Variants in ASAP2 observed in about 807,000 individuals in gnomAD.
ASAP2 encodes the protein arf-GAP with SH3 domain, ANK repeat and PH domain-containing protein 2.
ASAP2 carries 45 observed loss-of-function variants against 131.4 expected under a neutral mutation model. That is an observed-to-expected ratio of 0.34 (90% confidence interval 0.27 to 0.44). The LOEUF (loss-of-function observed/expected upper bound fraction) is 0.44, where lower values mean the gene tolerates loss of function less well. ASAP2 is among the 20% of genes least tolerant of loss of function. The pLI is 1.00. For missense variants in ASAP2, 1,011 were observed against 1,297.0 expected (o/e 0.78, Z 3.39); for synonymous variants, 510 against 503.0 (o/e 1.01, Z -0.19).
chr2:9,373,123 G>C (rs1349068821), intron 16 of ASAP2, among the ~76,000 whole-genome samples: 1 of 152,162 alleles, frequency 6.6e-6, no homozygotes, highest in Non-Finnish European at 1.5e-5. Flanking sequence ...TGTGGACGGG[G>C]AGCATGTGCC....
At chr2:9,227,560 G>C (rs1349088222) in intron 1 of ASAP2, among the ~76,000 whole-genome samples, 1 of 152,118 alleles carries the variant, frequency 6.6e-6, no homozygotes, top group Non-Finnish European at 1.5e-5. Context: ...ACATTTTACA[G>C]CTGAGAAACA....
At chr2:9,218,763 C>T (rs1267457608) in intron 1 of ASAP2, among the ~76,000 whole-genome samples, 1 of 152,234 alleles carries the variant, frequency 6.6e-6, no homozygotes, top group Non-Finnish European at 1.5e-5. Flanking sequence ...CTGTCTGCAA[C>T]ACTTCCCCTG....
At chr2:9,298,792 C>T (rs1668311033) in intron 3 of ASAP2, among the ~76,000 whole-genome samples, 1 of 152,204 alleles carries the variant, frequency 6.6e-6, no homozygotes, top group African/African-American at 2.4e-5. Flanking sequence ...GGTGGATAAG[C>T]CCTTTCCATG....
chr2:9,338,651 C>T (rs909182799), intron 9 of ASAP2, among the ~76,000 whole-genome samples: 4 of 152,170 alleles, frequency 2.6e-5, no homozygotes, highest in Non-Finnish European at 5.9e-5. Flanking sequence ...TCCACTGTTA[C>T]CCTAAGCCAG....
intron 27 of ASAP2, 98 bp from the exon 28 acceptor site, chr2:9,403,155 A>G (rs944948046): frequency 2.4e-5 from 23 of 977,292 alleles, no homozygotes; most frequent in Non-Finnish European, 3.5e-5. Context: ...TTCTGAACCA[A>G]TCTTGCTTTT....
intron 20 of ASAP2, among the ~76,000 whole-genome samples, chr2:9,381,906 A>G (rs542460956): frequency 6.6e-6 from 1 of 152,210 alleles, no homozygotes; most frequent in South Asian, 2.1e-4. Context: ...ACTATTAATA[A>G]TAAATGCTAT....
intron 11 of ASAP2, 94 bp from the exon 12 acceptor site, chr2:9,350,714 G>A: frequency 9.8e-7 from 1 of 1,022,840 alleles, no homozygotes; most frequent in Middle Eastern, 2.2e-4. Context: ...TGAAGAGCTT[G>A]CTGTTGCTGT....
At chr2:9,292,391 G>T (rs562284373) in intron 2 of ASAP2, among the ~76,000 whole-genome samples, 1 of 152,076 alleles carries the variant, frequency 6.6e-6, no homozygotes, top group Non-Finnish European at 1.5e-5. Context: ...GGTGGTGTGC[G>T]CCTGTAGTCT....
At chr2:9,342,441 C>A (rs1671652730) in intron 9 of ASAP2, among the ~76,000 whole-genome samples, 1 of 152,166 alleles carries the variant, frequency 6.6e-6, no homozygotes, top group Non-Finnish European at 1.5e-5. Context: ...TGTGCTGGGG[C>A]AGCTGGATAG....
Position 9,207,074 on chromosome 2 carries a change from G to C in ASAP2, c.-31G>C. On this transcript the variant is annotated 5_prime_UTR_variant, in exon 1 of 28. Coordinates refer to ENST00000281419, the MANE Select transcript of ASAP2 (RefSeq NM_003887.3). The surrounding 1 kb of genome is among the most constrained non-coding windows in gnomAD (Gnocchi z 4.1). ...GCAGTTGAGGCGGCGGCGCCCCTGCGGCTGTGCGCCAGCGCCCTCGCGCCG... is the reference window on the plus strand; with the variant it reads ...GCAGTTGAGGCGGCGGCGCCCCTGCCGCTGTGCGCCAGCGCCCTCGCGCCG... The C allele has an allele frequency of 6.6e-7, 1 of 1,518,704 alleles. No homozygotes were observed. The highest frequency in any genetic ancestry group is 8.8e-7 in the Non-Finnish European group (1 of 1,130,662). The allele number at this position is 1,518,704 out of a possible 1,614,324, so 94.1% of individuals were successfully genotyped here.
intron 3 of ASAP2, among the ~76,000 whole-genome samples, chr2:9,317,564 TCTCA>T (rs1213677856): frequency 3.8e-5 from 2 of 53,058 alleles, no homozygotes; most frequent in African/African-American, 7.6e-5. Context: ...ACAATCACAC[TCTCA>T]CACACCCACA....
At chr2:9,254,255 ACACG>A (rs1664970211) in intron 1 of ASAP2, among the ~76,000 whole-genome samples, 1 of 58,436 alleles carries the variant, frequency 1.7e-5, no homozygotes, top group African/African-American at 1.1e-4. Flanking sequence ...ATATATATAT[ACACG>A]TGTGTGTGTA....
chr2:9,365,004 C>T lies in ASAP2; in HGVS notation c.1462-3421C>T, dbSNP rs1435762966. On this transcript the variant is annotated intron_variant, in intron 15 of 27. Transcript: ENST00000281419. ...AGCCTTTTTTTTTAAAGCCAAGATT[C>T]TGAACATTTTTTAAACCACAAAGTC... Among the ~76,000 whole-genome samples the T allele has an allele frequency of 2.6e-5, 4 of 152,144 alleles. No homozygotes were observed. In the East Asian group the frequency reaches 7.7e-4, roughly 29 times the overall value.
intron 1 of ASAP2, among the ~76,000 whole-genome samples, chr2:9,276,619 C>T (rs1027680670): frequency 6.6e-6 from 1 of 151,970 alleles, no homozygotes; most frequent in African/African-American, 2.4e-5. Flanking sequence ...CTCACTGCAA[C>T]CTCCACCTCC....
rs150329957 is a variant in ASAP2 at position 9,292,295 on chromosome 2, G to A, written c.200-5005G>A. ...GTGGCTTTGGGAGGCTGAGGAGGGTGGATCATGAGATCAGGAGTTCAAGAC... is the reference window on the plus strand; with the variant it reads ...GTGGCTTTGGGAGGCTGAGGAGGGTAGATCATGAGATCAGGAGTTCAAGAC... On this transcript the variant is annotated intron_variant, in intron 2 of 27. Coordinates refer to ENST00000281419, the MANE Select transcript of ASAP2 (RefSeq NM_003887.3). 6.0e-3 allele frequency among the ~76,000 whole-genome samples: 908 copies of A among 152,112 alleles called. 11 individuals carry two copies. Among genetic ancestry groups the A allele is most frequent in the African/African-American group, 0.021 (875 of 41,488 alleles).
intron 3 of ASAP2, among the ~76,000 whole-genome samples, chr2:9,306,687 G>A (rs534158059): frequency 1.3e-5 from 2 of 152,146 alleles, no homozygotes; most frequent in African/African-American, 2.4e-5. Context: ...CTCCTGGCTC[G>A]CTGAGGGAAT....
intron 1 of ASAP2, among the ~76,000 whole-genome samples, chr2:9,214,815 C>T (rs1661890415): frequency 6.6e-6 from 1 of 151,262 alleles, no homozygotes; most frequent in Admixed American, 6.6e-5. Context: ...AGGACTAGCT[C>T]CTTCCTTAGA....
rs1661153707 is a variant in ASAP2, at chr2:9,207,011, C to CAGCGGCGGT, written c.-93_-85dup. On this transcript the variant is annotated 5_prime_UTR_variant, in exon 1 of 28. Coordinates refer to ENST00000281419, the MANE Select transcript of ASAP2 (RefSeq NM_003887.3). This position sits in a 1 kb window ranked among gnomAD's most constrained non-coding sequence, Gnocchi z 4.1. ...TGTCCGCGGGCCGGAGCGGCGGCGG[C>CAGCGGCGGT]AGCGGCGGTGTCCGAGCGGCGGTCG... 27 of 1,085,874 alleles carry CAGCGGCGGT rather than the reference C, an allele frequency of 2.5e-5. No individual in the cohort carries two copies. Among genetic ancestry groups the CAGCGGCGGT allele is most frequent in the Non-Finnish European group, 3.0e-5 (27 of 890,778 alleles). The allele number at this position is 1,085,874 out of a possible 1,614,324, so 67.3% of individuals were successfully genotyped here. A position where few individuals can be genotyped will look rare whatever the true frequency, so the allele number is the denominator to read the frequency against.
rs190411762 is a variant in ASAP2 at position 9,395,669 on chromosome 2, G to A, written c.2684+2022G>A. 6.7e-3 allele frequency among the ~76,000 whole-genome samples: 860 copies of A among 129,180 alleles called. 1 individual carries two copies. The highest frequency in any genetic ancestry group is 9.5e-3 in the Non-Finnish European group (609 of 64,036). The allele number at this position is 129,180 out of a possible 152,430, so 84.7% of individuals were successfully genotyped here. ...GTCGCCCAGGCTGGAGTGCGGTGGC[G>A]CGATCTTGGCTCACTGCAAGTTCCG... On this transcript the variant is annotated intron_variant, in intron 24 of 27. Coordinates refer to ENST00000281419, the MANE Select transcript of ASAP2 (RefSeq NM_003887.3).
Sources: allele counts gnomAD v4.1 joint callset (sites outside exome capture counted in the v4.1 genomes callset), GRCh38; gene constraint gnomAD v4.1.1; non-coding constraint Gnocchi (gnomAD v3.1); transcripts MANE v1.5; gene names NCBI Gene and HGNC (gene_info 2026-07-23, HGNC 2026-07-21).